The following FHOD3 variants were observed in gnomAD, a reference collection of about 807,000 sequenced individuals.
FHOD3 encodes the protein formin homology 2 domain containing 3.
In FHOD3, 90 loss-of-function variants were observed where a neutral mutation model predicts 173.0. The observed-to-expected ratio is 0.52, with a 90% confidence interval of 0.44 to 0.62. FHOD3 has a LOEUF of 0.62. Among genes scored for constraint, FHOD3 ranks in the 20% least tolerant of loss-of-function variants. The probability of loss-of-function intolerance (pLI) is 0.00; values close to 1 mark genes in which losing one functional copy is unlikely to be tolerated. For missense variants in FHOD3, 1,945 were observed against 2,034.7 expected, an observed-to-expected ratio of 0.96 and a Z score of 0.85; for synonymous variants, 828 against 823.0, an observed-to-expected ratio of 1.01 and a Z score of -0.10.
Position 36,652,762 on chromosome 18 carries a change from C to T in FHOD3, c.1479C>T (p.Ala493=), listed in dbSNP as rs1052877928. The T allele has an allele frequency of 7.2e-6, 11 of 1,535,840 alleles. No homozygotes were observed. The East Asian group carries it at 7.3e-5, about 10-fold the overall frequency. ...ATPSALLSPP[A]SAARPSSATP... is the part of the protein sequence containing the mutation. ...CATCTGCCCTCCTGTCACCCCCTGC[C>T]TCAGCTGCTCGGCCCTCCTCCGCCA... Residue 493 remains alanine (A), a synonymous_variant, in exon 12 of 29, where the codon GCC becomes GCT. Transcript: ENST00000590592.
At chr18:36,372,100 G>A (rs531747315) in intron 2 of FHOD3, among the ~76,000 whole-genome samples, 3 of 152,328 alleles carry the variant, frequency 2.0e-5, no homozygotes, top group African/African-American at 7.2e-5. Flanking sequence ...CAGTGAGAAG[G>A]AAGCAGAGGT....
chr18:36,587,852 A>G (rs1273735126), intron 6 of FHOD3, among the ~76,000 whole-genome samples: 3 of 152,204 alleles, frequency 2.0e-5, no homozygotes, highest in Admixed American at 2.0e-4. Context: ...TGTCTGCTAT[A>G]TTTTACATTC....
At position 36,325,045 on chromosome 18, in the gene FHOD3, T is replaced by C. The variant is rs573492127; in HGVS notation, c.165+27045T>C. ...ACATCATGGATGAATCTCACAGATA[T>C]ATAGTTGCAAGAAAGAATCTAGACA... On this transcript the variant is annotated intron_variant, in intron 1 of 28. Transcript: ENST00000590592. Among the ~76,000 whole-genome samples the C allele has an allele frequency of 6.2e-4, 95 of 152,316 alleles. 1 individual carries two copies. Among genetic ancestry groups the C allele is most frequent in the East Asian group, 1.3e-3 (7 of 5,190 alleles).
At chr18:36,660,217 C>T (rs112422796) in intron 14 of FHOD3, among the ~76,000 whole-genome samples, 26 of 152,128 alleles carry the variant, frequency 1.7e-4, no homozygotes, top group African/African-American at 4.3e-4. Context: ...TGCAGTGAGC[C>T]GAGATTGTGC....
At chr18:36,744,502 G>A (rs2042056117) in intron 23 of FHOD3, among the ~76,000 whole-genome samples, 1 of 152,222 alleles carries the variant, frequency 6.6e-6, no homozygotes, top group South Asian at 2.1e-4. Context: ...TCTCCAGAAC[G>A]CTGAAACAGC....
intron 13 of FHOD3, among the ~76,000 whole-genome samples, chr18:36,654,748 C>T (rs889182301): frequency 1.6e-4 from 25 of 152,214 alleles, no homozygotes; most frequent in African/African-American, 6.0e-4. Flanking sequence ...CTCCAGCATA[C>T]TTCTTAAGGA....
At chr18:36,641,200 A>G (rs549762140) in intron 10 of FHOD3, among the ~76,000 whole-genome samples, 2 of 152,212 alleles carry the variant, frequency 1.3e-5, no homozygotes, top group Admixed American at 6.5e-5. Flanking sequence ...GGAGAAACAG[A>G]GCAGGAAAAG....
intron 26 of FHOD3, 150 bp from the exon 27 acceptor site, chr18:36,760,458 T>G: frequency 1.6e-6 from 1 of 635,840 alleles, no homozygotes; most frequent in Non-Finnish European, 2.4e-6. Flanking sequence ...TGTTTTGTCA[T>G]TAGTTAACTT....
rs558162931 is a variant in FHOD3 at position 36,761,052 on chromosome 18, C to A, written c.4624+270C>A. On this transcript the variant is annotated intron_variant, in intron 27 of 28. Coordinates refer to ENST00000590592, the MANE Select transcript of FHOD3 (RefSeq NM_001281740.3). ...CTGAGGGAGAGCTGGGGTGGGCAGACTGCAACCTGCAAGCCAAATCCAGCC... is the reference window on the plus strand; with the variant it reads ...CTGAGGGAGAGCTGGGGTGGGCAGAATGCAACCTGCAAGCCAAATCCAGCC... Among the ~76,000 whole-genome samples, 220 of 152,330 alleles carry A rather than the reference C, an allele frequency of 1.4e-3. 1 individual carries two copies. The highest frequency in any genetic ancestry group is 6.8e-3 in the Middle Eastern group (2 of 294).
intron 5 of FHOD3, among the ~76,000 whole-genome samples, chr18:36,557,929 G>A (rs572992041): frequency 1.3e-4 from 20 of 152,236 alleles, no homozygotes; most frequent in African/African-American, 4.6e-4. Context: ...TTGAATCTAG[G>A]GCTAGCTAGC....
intron 21 of FHOD3, among the ~76,000 whole-genome samples, chr18:36,742,387 A>G (rs370747972): frequency 5.9e-5 from 9 of 152,280 alleles, no homozygotes; most frequent in African/African-American, 1.7e-4. Context: ...GACAAAAAGC[A>G]AAGAAGAAGA....
intron 9 of FHOD3, among the ~76,000 whole-genome samples, chr18:36,618,056 C>T (rs1306178569): frequency 6.7e-6 from 1 of 149,740 alleles, no homozygotes; most frequent in East Asian, 2.0e-4. Flanking sequence ...CTCCTTTTCC[C>T]TCCAGATTAA....
intron 3 of FHOD3, among the ~76,000 whole-genome samples, chr18:36,492,842 T>G (rs2054538954): frequency 6.6e-6 from 1 of 152,214 alleles, no homozygotes; most frequent in African/African-American, 2.4e-5. Context: ...CTTTGGCATG[T>G]GTGTGTTTTC....
intron 10 of FHOD3, among the ~76,000 whole-genome samples, chr18:36,632,518 TTCTG>T (rs1160144515): frequency 6.6e-6 from 1 of 152,238 alleles, no homozygotes; most frequent in Non-Finnish European, 1.5e-5. Flanking sequence ...TGACCATTTT[TTCTG>T]TCTTTCAAAT....
intron 5 of FHOD3, among the ~76,000 whole-genome samples, chr18:36,526,696 C>G (rs749179911): frequency 3.3e-5 from 5 of 152,180 alleles, no homozygotes; most frequent in African/African-American, 1.2e-4. Flanking sequence ...AGCCACCATG[C>G]CTGGCCCATA....
intron 4 of FHOD3, among the ~76,000 whole-genome samples, chr18:36,506,998 T>C (rs960605439): frequency 6.6e-6 from 1 of 152,196 alleles, no homozygotes; most frequent in Non-Finnish European, 1.5e-5. Flanking sequence ...CACAACATTG[T>C]AGGGGGAGAC....
intron 15 of FHOD3, 82 bp from the exon 16 acceptor site, chr18:36,687,046 T>C (rs1322355599): frequency 6.6e-6 from 7 of 1,055,106 alleles, no homozygotes; most frequent in East Asian, 5.1e-5. Context: ...TGATATACTG[T>C]TTATAATTTA....
At chr18:36,444,192 CAAAA>C (rs71168225) in intron 3 of FHOD3, among the ~76,000 whole-genome samples, 1 of 88,084 alleles carries the variant, frequency 1.1e-5, no homozygotes. Context: ...GACTCCGTCT[CAAAA>C]AAAAAAAAAA....
intron 9 of FHOD3, among the ~76,000 whole-genome samples, chr18:36,613,137 AG>A (rs2032860411): frequency 6.6e-6 from 1 of 152,228 alleles, no homozygotes; most frequent in Non-Finnish European, 1.5e-5. Flanking sequence ...GCCCAGTTGT[AG>A]GTGTAACATA....
Sources: allele counts gnomAD v4.1 joint callset (sites outside exome capture counted in the v4.1 genomes callset), GRCh38; gene constraint gnomAD v4.1.1; transcripts MANE v1.5; gene names NCBI Gene and HGNC (gene_info 2026-07-23, HGNC 2026-07-21).